Variants in ADAM22 observed in about 807,000 individuals in gnomAD.
ADAM22 encodes disintegrin and metalloproteinase domain-containing protein 22.
ADAM22 carries 65 observed loss-of-function variants against 144.6 expected under a neutral mutation model. The observed-to-expected ratio is 0.45, with a 90% CI of 0.37 to 0.55. The LOEUF (loss-of-function observed/expected upper bound fraction) is 0.55. ADAM22 is among the 20% of genes least tolerant of loss of function. The pLI is 0.00. For missense variants in ADAM22, 974 were observed against 1,184.9 expected (o/e 0.82, Z 2.61); for synonymous variants, 391 against 412.6 (o/e 0.95, Z 0.63).
At position 87,934,563 on chromosome 7, in the gene ADAM22, T is replaced by G. The variant is rs753092752; in HGVS notation, c.85+13T>G. 2 of 1,602,210 alleles carry G rather than the reference T, an allele frequency of 1.2e-6. No homozygotes were observed. The highest frequency in any genetic ancestry group is 4.5e-5 in the East Asian group (2 of 44,560). On this transcript the variant is annotated intron_variant, in intron 1 of 31. Transcript: ENST00000413139. ...TGCGGCCAGGCAGGTAAGTTAGCCG[T>G]CCTCTGTGCCTTTGGGCCATACCAT...
At chr7:88,171,450 C>T in intron 25 of ADAM22, 94 bp from the exon 26 acceptor site, 1 of 1,150,418 alleles carries the variant, frequency 8.7e-7, no homozygotes, top group South Asian at 1.5e-5. Flanking sequence ...TCAATGAAAG[C>T]TAGAGCTTTT....
At chr7:88,084,964 A>G (rs1373510754) in intron 4 of ADAM22, among the ~76,000 whole-genome samples, 1 of 152,166 alleles carries the variant, frequency 6.6e-6, no homozygotes, top group Non-Finnish European at 1.5e-5. Flanking sequence ...CCCTCTGTGT[A>G]TATCTGCATC....
chr7:87,966,794 G>C lies in ADAM22; in HGVS notation c.247-11542G>C, dbSNP rs541465986. Among the ~76,000 whole-genome samples, 6 of 122,950 alleles carry C rather than the reference G, an allele frequency of 4.9e-5. No individual in the cohort carries two copies. The East Asian group carries it at 1.5e-3, about 32-fold the overall frequency. The allele number at this position is 122,950 out of a possible 152,430, so 80.7% of individuals were successfully genotyped here. A position where few individuals can be genotyped will look rare whatever the true frequency, so the allele number is the denominator to read the frequency against. On this transcript the variant is annotated intron_variant, in intron 2 of 31. Coordinates refer to ENST00000413139, the MANE Select transcript of ADAM22 (RefSeq NM_001324418.2). ...TCATCTAGGAATTCCTGGGTAGTGA[G>C]ATCTACATGATGTAATCTCTGTCCT...
chr7:88,151,721 C>T (rs1838455069), intron 20 of ADAM22, among the ~76,000 whole-genome samples: 1 of 152,196 alleles, frequency 6.6e-6, no homozygotes, highest in Admixed American at 6.5e-5. Flanking sequence ...TAACTTAGAA[C>T]AGCAGCATTT....
Position 88,053,572 on chromosome 7 carries a change from G to GAAGAA in ADAM22, c.324-22053_324-22052insAGAAA, listed in dbSNP as rs1441241022. 4.7e-3 allele frequency among the ~76,000 whole-genome samples: 588 copies of GAAGAA among 126,098 alleles called. 20 individuals are homozygous for GAAGAA. Among genetic ancestry groups the GAAGAA allele is most frequent in the African/African-American group, 0.017 (557 of 33,180 alleles). The allele number at this position is 126,098 out of a possible 152,430, so 82.7% of individuals were successfully genotyped here. A position where few individuals can be genotyped will look rare whatever the true frequency, so the allele number is the denominator to read the frequency against. On this transcript the variant is annotated intron_variant, in intron 3 of 31. Transcript: ENST00000413139. Reference sequence around the variant, plus strand: ...AAAAAGAAAGAAAGAAAGAAGGAAGGAGGAAAGGAAGGAAGGAAGGAAAGA... The same window carrying GAAGAA: ...AAAAAGAAAGAAAGAAAGAAGGAAGGAAGAAAGGAAAGGAAGGAAGGAAGGAAAGA...
chr7:87,948,698 G>A (rs927624170), intron 2 of ADAM22, among the ~76,000 whole-genome samples: 3 of 152,266 alleles, frequency 2.0e-5, no homozygotes, highest in Middle Eastern at 3.4e-3. Context: ...CATTTTTATA[G>A]GTATTCTAAA....
At chr7:87,969,329 C>A (rs1488911530) in intron 2 of ADAM22, among the ~76,000 whole-genome samples, 1 of 152,206 alleles carries the variant, frequency 6.6e-6, no homozygotes, top group Non-Finnish European at 1.5e-5. Flanking sequence ...CTTTCCCTTA[C>A]ATTGTCAATC....
intron 4 of ADAM22, among the ~76,000 whole-genome samples, chr7:88,080,097 G>C (rs1816056099): frequency 6.6e-6 from 1 of 152,176 alleles, no homozygotes; most frequent in Non-Finnish European, 1.5e-5. Context: ...ATAGTTGGAA[G>C]TAAAGCACTC....
At chr7:88,023,395 G>T (rs978574287) in intron 3 of ADAM22, among the ~76,000 whole-genome samples, 11 of 152,122 alleles carry the variant, frequency 7.2e-5, no homozygotes, top group African/African-American at 2.4e-4. Flanking sequence ...TTTATCCTTT[G>T]TGTTACAAAC....
At chr7:88,186,788 C>G (rs1563425241) in intron 30 of ADAM22, 87 bp downstream of exon 30, 3 of 822,646 alleles carry the variant, frequency 3.6e-6, no homozygotes, top group Non-Finnish European at 6.0e-6. Context: ...TATCTTGTAT[C>G]TCCCAATACA....
chr7:88,195,758 C>G (rs1443242699), intron 31 of ADAM22, among the ~76,000 whole-genome samples: 1 of 151,958 alleles, frequency 6.6e-6, no homozygotes, highest in Non-Finnish European at 1.5e-5. Flanking sequence ...ACCTCGTGAT[C>G]TGCCCATCTC....
At chr7:88,194,313 T>C (rs1037391429) in intron 31 of ADAM22, among the ~76,000 whole-genome samples, 2 of 152,188 alleles carry the variant, frequency 1.3e-5, no homozygotes, top group African/African-American at 4.8e-5. Flanking sequence ...GTAAAAATGA[T>C]AGCTCCCTAG....
At chr7:88,171,209 A>G (rs1586460265) in intron 25 of ADAM22, among the ~76,000 whole-genome samples, 1 of 152,060 alleles carries the variant, frequency 6.6e-6, no homozygotes, top group East Asian at 1.9e-4. Flanking sequence ...CATTAAGTCA[A>G]TGTATGTTTG....
rs1846151767 is a variant in ADAM22 at position 88,178,226 on chromosome 7, A to G, written c.2301-709A>G. 2.0e-5 allele frequency among the ~76,000 whole-genome samples: 3 copies of G among 152,288 alleles called. No homozygotes were observed. In the South Asian group the frequency reaches 6.2e-4, roughly 32 times the overall value. On this transcript the variant is annotated intron_variant, in intron 26 of 31. Coordinates refer to ENST00000413139, the MANE Select transcript of ADAM22 (RefSeq NM_001324418.2). ...GAGAGAGAACTAAGGTCACCCACCA[A>G]CTACCTATAAATATACTTCTATAGT...
At chr7:88,191,715 C>T (rs112038759) in intron 30 of ADAM22, among the ~76,000 whole-genome samples, 129 of 152,264 alleles carry the variant, frequency 8.5e-4, no homozygotes, top group African/African-American at 2.3e-3. Flanking sequence ...CCCATCCGCT[C>T]GGCAATGAAG....
intron 29 of ADAM22, among the ~76,000 whole-genome samples, chr7:88,183,458 C>G (rs1018674835): frequency 7.9e-5 from 12 of 152,034 alleles, no homozygotes; most frequent in African/African-American, 2.9e-4. Flanking sequence ...TATGTTAAAG[C>G]TATGAGCTTA....
intron 3 of ADAM22, among the ~76,000 whole-genome samples, chr7:88,049,090 G>A (rs116737069): frequency 1.1e-3 from 171 of 152,286 alleles, no homozygotes; most frequent in African/African-American, 3.8e-3. Context: ...ATAGGTGTTA[G>A]TGTGAAGTAA....
intron 2 of ADAM22, among the ~76,000 whole-genome samples, chr7:87,960,900 T>C (rs1383934407): frequency 3.3e-5 from 5 of 152,226 alleles, no homozygotes; most frequent in African/African-American, 1.2e-4. Context: ...GAGGTCCTAC[T>C]ATGTGGCACT....
chr7:88,092,348 G>A (rs965772723), intron 4 of ADAM22, among the ~76,000 whole-genome samples: 4 of 152,116 alleles, frequency 2.6e-5, no homozygotes, highest in African/African-American at 9.7e-5. Context: ...GAGTAAAAGA[G>A]CCATACAAAT....
Sources: allele counts gnomAD v4.1 joint callset (sites outside exome capture counted in the v4.1 genomes callset), GRCh38; gene constraint gnomAD v4.1.1; transcripts MANE v1.5; gene names NCBI Gene and HGNC (gene_info 2026-07-23, HGNC 2026-07-21).